JAZF1: variants seen among roughly 807,000 people sequenced by gnomAD.
JAZF1 encodes the protein JAZF zinc finger 1, also known as juxtaposed with another zinc finger protein 1.
In JAZF1, 8 loss-of-function variants were observed where a neutral mutation model predicts 26.4. The observed-to-expected ratio is 0.30, with a 90% CI of 0.18 to 0.55. The LOEUF (loss-of-function observed/expected upper bound fraction) is 0.55, where lower values mean the gene tolerates loss of function less well. Ranked by LOEUF, JAZF1 falls within the 20% of genes least tolerant of loss-of-function variation. JAZF1 has a pLI of 0.94. For synonymous variants in JAZF1, 126 were observed against 122.3 expected (o/e 1.03, Z -0.20); for missense variants, 199 against 322.0 (o/e 0.62, Z 2.92).
intron 1 of JAZF1, among the ~76,000 whole-genome samples, chr7:28,105,214 C>G (rs1784532509): frequency 6.6e-6 from 1 of 152,170 alleles, no homozygotes; most frequent in South Asian, 2.1e-4. Context: ...GTAGAAAACT[C>G]TACCTGAAGA....
chr7:28,016,961 C>T (rs1232265248), intron 1 of JAZF1, among the ~76,000 whole-genome samples: 2 of 152,144 alleles, frequency 1.3e-5, no homozygotes, highest in Non-Finnish European at 2.9e-5. Context: ...GTTATGTGTA[C>T]TATGTCAGAT....
intron 1 of JAZF1, among the ~76,000 whole-genome samples, chr7:28,080,593 A>G (rs1164177785): frequency 6.6e-6 from 1 of 152,180 alleles, no homozygotes; most frequent in Non-Finnish European, 1.5e-5. Context: ...TCACTTGAAC[A>G]CTTACAGGTC....
At chr7:27,905,562 TA>T (rs1237057786) in intron 2 of JAZF1, among the ~76,000 whole-genome samples, 3 of 151,486 alleles carry the variant, frequency 2.0e-5, no homozygotes, top group Admixed American at 6.5e-5. Context: ...TTTTATTTTT[TA>T]TTTTTTTTCT....
At chr7:28,168,109 G>A (rs200423985) in intron 1 of JAZF1, among the ~76,000 whole-genome samples, 60 of 152,204 alleles carry the variant, frequency 3.9e-4, no homozygotes, top group East Asian at 1.7e-3. Flanking sequence ...TCGGCCGGGC[G>A]CAGTGGCTCA....
intron 1 of JAZF1, among the ~76,000 whole-genome samples, chr7:28,173,104 G>A (rs1232621324): frequency 6.6e-6 from 1 of 152,212 alleles, no homozygotes. Flanking sequence ...AAAGTGCTGG[G>A]TGGGCCCTGG....
At chr7:27,936,612 G>A (rs558266963) in intron 2 of JAZF1, among the ~76,000 whole-genome samples, 7 of 152,244 alleles carry the variant, frequency 4.6e-5, no homozygotes, top group African/African-American at 1.4e-4. Context: ...CACAAACTCA[G>A]GGACAAAGTA....
chr7:28,062,839 T>A (rs900359405), intron 1 of JAZF1, among the ~76,000 whole-genome samples: 2 of 152,206 alleles, frequency 1.3e-5, no homozygotes, highest in African/African-American at 4.8e-5. Flanking sequence ...TCCTTTGTGG[T>A]TTTTGTCTCC....
chr7:27,928,146 T>C (rs1443950718), intron 2 of JAZF1, among the ~76,000 whole-genome samples: 2 of 152,216 alleles, frequency 1.3e-5, no homozygotes, highest in African/African-American at 4.8e-5. Context: ...CAGAGGGATT[T>C]ATTTTCTTCT....
intron 1 of JAZF1, among the ~76,000 whole-genome samples, chr7:28,159,191 G>A (rs1030184936): frequency 2.6e-5 from 4 of 152,144 alleles, no homozygotes; most frequent in South Asian, 2.1e-4. Flanking sequence ...GAAAGCCTCC[G>A]AATAGATGAG....
intron 3 of JAZF1, among the ~76,000 whole-genome samples, chr7:27,855,364 A>G (rs1310788731): frequency 2.0e-5 from 3 of 152,176 alleles, no homozygotes; most frequent in East Asian, 1.9e-4. Flanking sequence ...AAGACAAGAA[A>G]TAACTAAGAG....
At chr7:27,968,427 TTC>T (rs1229067697) in intron 2 of JAZF1, among the ~76,000 whole-genome samples, 1 of 152,190 alleles carries the variant, frequency 6.6e-6, no homozygotes, top group African/African-American at 2.4e-5. Flanking sequence ...TTCAGCATCT[TTC>T]AGTGGCTACA....
intron 1 of JAZF1, among the ~76,000 whole-genome samples, chr7:28,031,401 G>C (rs2128374995): frequency 6.6e-6 from 1 of 152,248 alleles, no homozygotes; most frequent in African/African-American, 2.4e-5. Context: ...ATGGGGAGAA[G>C]AGAAAGTGTT....
At chr7:28,026,323 G>A (rs911741172) in intron 1 of JAZF1, among the ~76,000 whole-genome samples, 26 of 152,182 alleles carry the variant, frequency 1.7e-4, no homozygotes, top group Non-Finnish European at 2.1e-4. Context: ...AGGCTGCAGT[G>A]GAGGAAGTCT....
chr7:27,884,816 C>T (rs780006112), intron 3 of JAZF1, among the ~76,000 whole-genome samples: 7 of 152,126 alleles, frequency 4.6e-5, no homozygotes, highest in Non-Finnish European at 7.3e-5. Flanking sequence ...TCCTTGTATC[C>T]GTCTTTTGTG....
intron 2 of JAZF1, among the ~76,000 whole-genome samples, chr7:27,927,355 G>A (rs910098960): frequency 6.6e-6 from 1 of 152,202 alleles, no homozygotes; most frequent in Non-Finnish European, 1.5e-5. Context: ...AACATTAAGA[G>A]GATGGGCTGC....
chr7:27,833,129 AT>A (rs1277846192), intron 4 of JAZF1, 153 bp from the exon 5 acceptor site: 1 of 521,196 alleles, frequency 1.9e-6, no homozygotes, highest in East Asian at 3.1e-5. Context: ...CTTCAAGGAC[AT>A]TCTGGTGTGT....
chr7:27,931,987 G>T (rs1382705644), intron 2 of JAZF1, among the ~76,000 whole-genome samples: 1 of 152,198 alleles, frequency 6.6e-6, no homozygotes, highest in Non-Finnish European at 1.5e-5. Context: ...TATTTGGAAA[G>T]AATTCTCCCT....
chr7:27,864,359 A>G (rs12531244), intron 3 of JAZF1, among the ~76,000 whole-genome samples: 25,141 of 152,238 alleles, frequency 0.17, 2,316 homozygotes, highest in Middle Eastern at 0.25. Context: ...AAAGATGAAA[A>G]AAATGCACAC....
chr7:28,048,296 T>C (rs958844963), intron 1 of JAZF1, among the ~76,000 whole-genome samples: 2 of 152,220 alleles, frequency 1.3e-5, no homozygotes, highest in African/African-American at 4.8e-5. Flanking sequence ...ATCAACGTTT[T>C]CAAAGAGATT....
Sources: gnomAD v4.1 joint callset for allele counts (sites outside exome capture counted in the v4.1 genomes callset) on GRCh38, gnomAD v4.1.1 for gene constraint, MANE v1.5 for transcripts, NCBI Gene and HGNC (gene_info 2026-07-23, HGNC 2026-07-21) for gene names.